PCDH15: variants seen among roughly 807,000 people sequenced by gnomAD.
The protein encoded by PCDH15 is protocadherin related 15.
Under a neutral mutation model 178.5 loss-of-function variants are expected in PCDH15, and 129 were observed. The observed-to-expected ratio is 0.72, with a 90% confidence interval of 0.63 to 0.84. PCDH15 has a LOEUF of 0.84. Among genes scored for constraint, PCDH15 ranks in the 40% least tolerant of loss-of-function variants. The probability of loss-of-function intolerance (pLI) is 0.00; values close to 1 mark genes in which losing one functional copy is unlikely to be tolerated. For missense variants in PCDH15, 2,230 were observed against 2,099.9 expected (o/e 1.06, Z -1.21); for synonymous variants, 800 against 732.0 (o/e 1.09, Z -1.50).
chr10:54,018,779 T>C (rs1344495424), intron 20 of PCDH15, among the ~76,000 whole-genome samples: 1 of 152,068 alleles, frequency 6.6e-6, no homozygotes, highest in Non-Finnish European at 1.5e-5. Flanking sequence ...TCCACATCTT[T>C]CCACATTTTT....
intron 3 of PCDH15, among the ~76,000 whole-genome samples, chr10:54,393,735 T>C (rs1276481148): frequency 6.6e-6 from 1 of 152,220 alleles, no homozygotes; most frequent in African/African-American, 2.4e-5. Flanking sequence ...AATCTTCATC[T>C]ATCTTGCCTC....
chr10:54,652,557 A>T (rs2094286453), intron 2 of PCDH15, among the ~76,000 whole-genome samples: 1 of 152,196 alleles, frequency 6.6e-6, no homozygotes, highest in South Asian at 2.1e-4. Context: ...GTAACTCAGA[A>T]TGTAACTATA....
chr10:54,401,981 T>C (rs1951992395), intron 3 of PCDH15, among the ~76,000 whole-genome samples: 2 of 151,752 alleles, frequency 1.3e-5, no homozygotes, highest in Non-Finnish European at 2.9e-5. Context: ...TTAACACAGA[T>C]ACAAAAATAC....
chr10:54,017,591 G>A (rs879202390), intron 20 of PCDH15, among the ~76,000 whole-genome samples: 1 of 152,012 alleles, frequency 6.6e-6, no homozygotes, highest in Non-Finnish European at 1.5e-5. Flanking sequence ...TAAATATTGG[G>A]TACTCCTGGA....
chr10:55,079,652 C>T (rs903957449), intron 2 of PCDH15, among the ~76,000 whole-genome samples: 5 of 152,248 alleles, frequency 3.3e-5, no homozygotes, highest in African/African-American at 1.2e-4. Context: ...GGCCCCTGGA[C>T]AGCTAGTGTG....
At chr10:54,626,653 G>T (rs1469671881) in intron 2 of PCDH15, among the ~76,000 whole-genome samples, 2 of 152,154 alleles carry the variant, frequency 1.3e-5, no homozygotes, top group African/African-American at 2.4e-5. Context: ...TGCTGCAGGG[G>T]CCTGGCCCTC....
chr10:54,667,973 G>A (rs1345683314), intron 1 of PCDH15, among the ~76,000 whole-genome samples: 1 of 151,972 alleles, frequency 6.6e-6, no homozygotes, highest in African/African-American at 2.4e-5. Flanking sequence ...TGCATTCCAT[G>A]TGCATTTTAT....
intron 20 of PCDH15, among the ~76,000 whole-genome samples, chr10:54,014,375 C>CA (rs1289973765): frequency 3.3e-5 from 5 of 151,942 alleles, no homozygotes; most frequent in African/African-American, 1.2e-4. Context: ...GAAACTATTC[C>CA]AAAAAATTGA....
intron 9 of PCDH15, among the ~76,000 whole-genome samples, chr10:54,227,011 T>A (rs1344996695): frequency 1.3e-5 from 2 of 152,164 alleles, no homozygotes; most frequent in Non-Finnish European, 2.9e-5. Context: ...CCTGGCTGCT[T>A]TCATGGGCTG....
chr10:55,307,220 C>T (rs1490746629), intron 1 of PCDH15, among the ~76,000 whole-genome samples: 1 of 151,618 alleles, frequency 6.6e-6, no homozygotes, highest in Non-Finnish European at 1.5e-5. Context: ...TTTGTATTTT[C>T]GGACTGGCGT....
upstream of PCDH15, among the ~76,000 whole-genome samples, chr10:54,804,683 T>A (rs1952746016): frequency 6.6e-6 from 1 of 151,658 alleles, no homozygotes; most frequent in African/African-American, 2.4e-5. Context: ...GTATTTTTCA[T>A]AAAAAAGTAT....
chr10:54,429,948 G>A (rs1423190018), intron 3 of PCDH15, among the ~76,000 whole-genome samples: 1 of 151,360 alleles, frequency 6.6e-6, no homozygotes, highest in Non-Finnish European at 1.5e-5. Context: ...AATCAGGAAA[G>A]AGACATTAGA....
In PCDH15 at chr10:53,806,900, G is replaced by A; in HGVS notation, c.4902C>T (p.Pro1634=). 1 of 1,613,806 alleles carries A rather than the reference G, an allele frequency of 6.2e-7. No individual in the cohort carries two copies. The highest frequency in any genetic ancestry group is 2.2e-5 in the East Asian group (1 of 44,858). The change falls in exon 38 of 38, where the codon CCC becomes CCT. Residue 1634 remains proline (P), a synonymous_variant. Coordinates refer to ENST00000644397, the MANE Select transcript of PCDH15 (RefSeq NM_001384140.1). ...KVASPVRLGG[P]FKKLDKLAVT... ...CTGCCAACTTGTCTAGTTTCTTAAA[G>A]GGCCCTCCCAGTCGAACAGGGGAAG... is the stretch of plus-strand genomic sequence containing the variant.
chr10:53,888,318 G>GTATATATATGTATGTACAAATATA (rs1238264864), intron 26 of PCDH15, among the ~76,000 whole-genome samples: 1 of 91,824 alleles, frequency 1.1e-5, no homozygotes, highest in Non-Finnish European at 1.9e-5. Flanking sequence ...ATGTATATAT[G>GTATATATATGTATGTACAAATATA]TACGTATATA....
At chr10:54,008,614 T>C (rs529496041) in intron 20 of PCDH15, among the ~76,000 whole-genome samples, 1 of 151,458 alleles carries the variant, frequency 6.6e-6, no homozygotes, top group African/African-American at 2.4e-5. Flanking sequence ...GTGTTTACCA[T>C]AACTGTCTGT....
intron 3 of PCDH15, among the ~76,000 whole-genome samples, chr10:54,517,177 A>G (rs1344548949): frequency 6.6e-6 from 1 of 152,196 alleles, no homozygotes; most frequent in African/African-American, 2.4e-5. Context: ...ACCAGCTAAC[A>G]TCATAATGAC....
At chr10:53,887,750 G>C (rs1386171731) in intron 26 of PCDH15, among the ~76,000 whole-genome samples, 4 of 152,072 alleles carry the variant, frequency 2.6e-5, no homozygotes, top group Non-Finnish European at 4.4e-5. Context: ...TTAGCCGGGC[G>C]TGGTGGCACA....
intron 2 of PCDH15, among the ~76,000 whole-genome samples, chr10:55,037,379 G>A (rs961675628): frequency 2.0e-5 from 3 of 152,068 alleles, no homozygotes; most frequent in Non-Finnish European, 2.9e-5. Flanking sequence ...GATTACAGGC[G>A]CCGGCTACCA....
chr10:54,479,932 A>G (rs2078587138), intron 3 of PCDH15, among the ~76,000 whole-genome samples: 1 of 152,058 alleles, frequency 6.6e-6, no homozygotes, highest in Non-Finnish European at 1.5e-5. Flanking sequence ...CATCTCCAGA[A>G]AAAACTCTTG....
Sources: gnomAD v4.1 joint callset for allele counts (sites outside exome capture counted in the v4.1 genomes callset) on GRCh38, gnomAD v4.1.1 for gene constraint, MANE v1.5 for transcripts, NCBI Gene and HGNC (gene_info 2026-07-23, HGNC 2026-07-21) for gene names.